Variants in CHD9 observed in about 807,000 individuals in gnomAD.
CHD9 encodes ATP-dependent chromatin remodeler CHD9.
A neutral mutation model predicts 316.1 loss-of-function variants in CHD9; 77 were observed. The ratio of observed to expected loss-of-function variants is 0.24; its 90% CI spans 0.20 to 0.29. The LOEUF (loss-of-function observed/expected upper bound fraction) is 0.29. Ranked by LOEUF, CHD9 falls within the 10% of genes least tolerant of loss-of-function variation. CHD9 has a pLI of 1.00. For missense variants in CHD9, 2,763 were observed against 3,438.1 expected (o/e 0.80, Z 4.91); for synonymous variants, 1,129 against 1,158.3 (o/e 0.97, Z 0.51).
intron 2 of CHD9, among the ~76,000 whole-genome samples, chr16:53,177,648 C>A (rs1238573663): frequency 6.6e-6 from 1 of 152,234 alleles, no homozygotes; most frequent in East Asian, 1.9e-4. Flanking sequence ...ATTTCTTAAT[C>A]CATTTTTATG....
rs565700226 is a variant in CHD9 at position 53,137,640 on chromosome 16, A to T, written c.-164-18286A>T. 3.3e-5 allele frequency among the ~76,000 whole-genome samples: 5 copies of T among 152,218 alleles called. No individual in the cohort carries two copies. In the East Asian group the frequency reaches 7.7e-4, roughly 23 times the overall value. ...TTGTGCTCTTCTTTAATCTCTGAAGATGAGTATTTGATGATGAATAGCTAT... is the reference window on the plus strand; with the variant it reads ...TTGTGCTCTTCTTTAATCTCTGAAGTTGAGTATTTGATGATGAATAGCTAT... On this transcript the variant is annotated intron_variant, in intron 1 of 38. Transcript: ENST00000447540.
intron 28 of CHD9, 23 bp downstream of exon 28, chr16:53,291,790 C>A: frequency 1.4e-6 from 2 of 1,402,116 alleles, no homozygotes; most frequent in South Asian, 1.4e-5. Context: ...TACTTCTGTA[C>A]TTAGTATTAT....
intron 1 of CHD9, among the ~76,000 whole-genome samples, chr16:53,084,092 T>C (rs2035260573): frequency 6.6e-6 from 1 of 152,028 alleles, no homozygotes; most frequent in African/African-American, 2.4e-5. Flanking sequence ...GAGGTCTCAC[T>C]ATGTTGCCCA....
intron 27 of CHD9, among the ~76,000 whole-genome samples, chr16:53,291,093 A>T (rs2054294235): frequency 6.6e-6 from 1 of 152,216 alleles, no homozygotes; most frequent in South Asian, 2.1e-4. Context: ...AATTGAAGAT[A>T]CACCAAACAA....
rs546228964 is a variant in CHD9, at chr16:53,134,955, C to T, written c.-164-20971C>T. ...TAAATAAACAAATGGAAAATTACAA[C>T]TTATGATCAGTTCAGTGAAATAAAA... is the stretch of plus-strand genomic sequence containing the variant. On this transcript the variant is annotated intron_variant, in intron 1 of 38. Coordinates refer to ENST00000447540, the MANE Select transcript of CHD9 (RefSeq NM_001308319.2). Among the ~76,000 whole-genome samples the T allele has an allele frequency of 3.6e-4, 55 of 152,206 alleles. No homozygotes were observed. The South Asian group carries it at 0.01, about 29-fold the overall frequency.
intron 3 of CHD9, among the ~76,000 whole-genome samples, chr16:53,215,457 T>C (rs2046677295): frequency 6.6e-6 from 1 of 152,196 alleles, no homozygotes. Flanking sequence ...TAATACATGC[T>C]TGTTTTTCTA....
intron 1 of CHD9, among the ~76,000 whole-genome samples, chr16:53,114,585 A>G (rs1327590125): frequency 8.0e-6 from 1 of 124,640 alleles, no homozygotes; most frequent in African/African-American, 3.1e-5. Context: ...TTTTTTATTT[A>G]TTTATTTATT....
At chr16:53,172,775 T>C (rs1049549409) in intron 2 of CHD9, among the ~76,000 whole-genome samples, 2 of 152,310 alleles carry the variant, frequency 1.3e-5, no homozygotes, top group East Asian at 3.9e-4. Flanking sequence ...TAATGATTCA[T>C]GATATTGAAC....
intron 2 of CHD9, among the ~76,000 whole-genome samples, chr16:53,181,321 A>G (rs964974418): frequency 1.3e-5 from 2 of 152,028 alleles, no homozygotes; most frequent in African/African-American, 2.4e-5. Context: ...GAGAGCCACA[A>G]TTTTTTGTTT....
chr16:53,304,629 C>A lies in CHD9; in HGVS notation c.6619+4C>A. 6.6e-7 allele frequency: 1 copy of A among 1,519,888 alleles called. No individual in the cohort carries two copies. The highest frequency in any genetic ancestry group is 8.8e-7 in the Non-Finnish European group (1 of 1,135,068). The allele number at this position is 1,519,888 out of a possible 1,614,324, so 94.2% of individuals were successfully genotyped here. A position where few individuals can be genotyped will look rare whatever the true frequency, so the allele number is the denominator to read the frequency against. On this transcript the variant is annotated splice_donor_region_variant and intron_variant, in intron 31 of 38. Transcript: ENST00000447540. ...GAAGAAGAAGCCCAAAAACGAGGTACTATGCATAAAATAATTCTACTTTTT... is the reference window on the plus strand; with the variant it reads ...GAAGAAGAAGCCCAAAAACGAGGTAATATGCATAAAATAATTCTACTTTTT...
chr16:53,090,251 G>A (rs527580545), intron 1 of CHD9, among the ~76,000 whole-genome samples: 94 of 152,318 alleles, frequency 6.2e-4, no homozygotes, highest in Non-Finnish European at 4.9e-4. Context: ...CTAGCATGGA[G>A]GTTGCAGCTG....
At chr16:53,117,187 A>G (rs1160234490) in intron 1 of CHD9, among the ~76,000 whole-genome samples, 3 of 152,184 alleles carry the variant, frequency 2.0e-5, no homozygotes, top group Non-Finnish European at 4.4e-5. Flanking sequence ...ACGTTTACCT[A>G]TGTAACAAAC....
chr16:53,123,171 C>CTT (rs61290396), intron 1 of CHD9, among the ~76,000 whole-genome samples: 47 of 143,914 alleles, frequency 3.3e-4, no homozygotes, highest in East Asian at 2.7e-3. Context: ...CCTGGAATCA[C>CTT]TTTTTTTTTT....
intron 3 of CHD9, among the ~76,000 whole-genome samples, chr16:53,218,801 T>C (rs1007078697): frequency 1.3e-5 from 2 of 152,198 alleles, no homozygotes; most frequent in Admixed American, 1.3e-4. Context: ...GATTGTTATT[T>C]AAACAACTAC....
intron 1 of CHD9, among the ~76,000 whole-genome samples, chr16:53,090,221 C>T (rs575617575): frequency 6.6e-6 from 1 of 152,268 alleles, no homozygotes; most frequent in South Asian, 2.1e-4. Context: ...GCCAACATAC[C>T]ACCTTAATTA....
In CHD9 at chr16:53,314,390, A is replaced by T; in HGVS notation, c.7236A>T (p.Gln2412His). ...TAATTCAATTAGGTACTTCCATTCA[A>T]CCAACCCTTGGTGCCAATGGTGTGA... ...KSIPVSGTSI[Q>H]PTLGANGVIL... Residue 2412 changes from glutamine to histidine, a missense_variant, in exon 35 of 39, where the codon CAA becomes CAT. By Grantham distance (24) the Gln-to-His change is conservative (BLOSUM62 0). This residue lies in a region of CHD9 where 663 missense variants were observed against 751.2 expected (regional missense o/e 0.88). Transcript: ENST00000447540. 6.4e-7 allele frequency: 1 copy of T among 1,573,576 alleles called. No individual in the cohort carries two copies. The highest frequency in any genetic ancestry group is 8.6e-7 in the Non-Finnish European group (1 of 1,160,918).
At chr16:53,205,330 G>A (rs529161020) in intron 2 of CHD9, among the ~76,000 whole-genome samples, 6 of 152,262 alleles carry the variant, frequency 3.9e-5, no homozygotes, top group East Asian at 3.9e-4. Context: ...TTTGGTATAT[G>A]TTTTCTACAG....
chr16:53,308,570 T>G, intron 33 of CHD9, 116 bp from the exon 34 acceptor site: 1 of 701,054 alleles, frequency 1.4e-6, no homozygotes, highest in Non-Finnish European at 2.5e-6. Flanking sequence ...ATGAACTTCT[T>G]TGATGTTTCA....
rs2057485867 is a variant in CHD9 at position 53,324,836 on chromosome 16, T to C, written c.8635T>C (p.Ser2879Pro). The C allele has an allele frequency of 2.5e-6, 4 of 1,612,386 alleles. No homozygotes were observed. The highest frequency in any genetic ancestry group is 3.4e-6 in the Non-Finnish European group (4 of 1,179,282). Reference sequence around the variant, plus strand: ...GGGTTCAGAGAAAGCTGATGCTTCATCTGGATCTGATAGTACATCGTCGTC... The same window carrying C: ...GGGTTCAGAGAAAGCTGATGCTTCACCTGGATCTGATAGTACATCGTCGTC... ...DEGSEKADAS[S>P]GSDSTSSSSE... is the part of the protein sequence containing the mutation. The change falls in exon 39 of 39, where the codon TCT (serine) becomes CCT (proline). Residue 2879 changes from serine to proline, a missense_variant. Physicochemically the swap from Ser to Pro is moderately conservative, Grantham distance 74 (BLOSUM62 -1). Transcript: ENST00000447540.
Sources: gnomAD v4.1 joint callset for allele counts (sites outside exome capture counted in the v4.1 genomes callset) on GRCh38, gnomAD v4.1.1 for gene constraint, gnomAD v4.1.1 regional missense constraint, MANE v1.5 for transcripts, NCBI Gene and HGNC (gene_info 2026-07-23, HGNC 2026-07-21) for gene names.